Variants in GPHN observed in about 807,000 individuals in gnomAD.
GPHN encodes the protein gephyrin.
GPHN carries 17 observed loss-of-function variants against 95.5 expected under a neutral mutation model. That is an observed-to-expected ratio of 0.18 (90% CI 0.12 to 0.27). The LOEUF is 0.27. Among genes scored for constraint, GPHN ranks in the 10% least tolerant of loss-of-function variants. The pLI is 1.00. For missense variants in GPHN, 660 were observed against 978.1 expected (o/e 0.67, Z 4.34); for synonymous variants, 320 against 322.5 (o/e 0.99, Z 0.08).
chr14:66,684,995 C>T (rs182196683), intron 2 of GPHN, among the ~76,000 whole-genome samples: 4 of 152,108 alleles, frequency 2.6e-5, no homozygotes, highest in Admixed American at 6.6e-5. Flanking sequence ...TGAGAACATG[C>T]GGTGTTTGTT....
At chr14:67,198,297 A>T in the GPHN span, 1 of 1,613,478 alleles carries the variant, frequency 6.2e-7, no homozygotes, top group Non-Finnish European at 8.5e-7. Flanking sequence ...ATCTCCTCCC[A>T]TGTTAGAGAG....
chr14:66,555,524 A>G (rs2059976333), intron 1 of GPHN, among the ~76,000 whole-genome samples: 1 of 152,030 alleles, frequency 6.6e-6, no homozygotes, highest in Non-Finnish European at 1.5e-5. Flanking sequence ...CTTTTGAAAG[A>G]CTCATTGCTT....
chr14:67,341,553 G>A, the GPHN span, among the ~76,000 whole-genome samples: 68 of 150,796 alleles, frequency 4.5e-4, no homozygotes, highest in African/African-American at 1.6e-3. Context: ...CCCCGTCCGG[G>A]AGGGAGGTGG....
At chr14:66,881,646 A>G (rs1032446225) in intron 5 of GPHN, among the ~76,000 whole-genome samples, 5 of 151,906 alleles carry the variant, frequency 3.3e-5, no homozygotes, top group African/African-American at 1.2e-4. Flanking sequence ...AATTCTTCAA[A>G]TTGAATGTAG....
the GPHN span, chr14:67,568,893 TAAATGCTTATGTTA>T: frequency 2.1e-6 from 1 of 477,280 alleles, no homozygotes; most frequent in Non-Finnish European, 3.8e-6. Context: ...TTCCAGGTGT[TAAATGCTTATGTTA>T]AGTATTTCAT....
chr14:66,893,238 C>A (rs1196925529), intron 5 of GPHN, among the ~76,000 whole-genome samples: 1 of 152,132 alleles, frequency 6.6e-6, no homozygotes, highest in East Asian at 1.9e-4. Flanking sequence ...CAGCTCCCAG[C>A]GTGAGTAACG....
At chr14:67,131,917 T>C (rs925250862) in intron 17 of GPHN, among the ~76,000 whole-genome samples, 2 of 152,140 alleles carry the variant, frequency 1.3e-5, no homozygotes. Context: ...AACTGCCAAC[T>C]TGGACCTTCT....
chr14:66,947,373 A>T (rs1004096869), intron 8 of GPHN, among the ~76,000 whole-genome samples: 1 of 152,148 alleles, frequency 6.6e-6, no homozygotes, highest in African/African-American at 2.4e-5. Flanking sequence ...ATTTTCCTTT[A>T]TAGCACTTAT....
intron 4 of GPHN, among the ~76,000 whole-genome samples, chr14:66,842,166 A>G (rs113420209): frequency 5.1e-4 from 78 of 151,932 alleles, no homozygotes; most frequent in African/African-American, 1.6e-3. Context: ...GGAGTCATCA[A>G]CATATAAATG....
the GPHN span, chr14:67,660,138 T>C: frequency 4.2e-6 from 2 of 480,348 alleles, no homozygotes; most frequent in South Asian, 6.9e-5. Flanking sequence ...TTCGAGTATA[T>C]GAACTGAATG....
At chr14:67,573,737 TA>T in the GPHN span, 53 of 1,038,832 alleles carry the variant, frequency 5.1e-5, 1 homozygote, top group African/African-American at 4.2e-4. This position sits in a 1 kb window ranked among gnomAD's most constrained non-coding sequence, Gnocchi z 4.8. Context: ...GATCTGAGGG[TA>T]AATGAGGTGC....
chr14:66,879,439 T>C (rs1333618325), intron 4 of GPHN, among the ~76,000 whole-genome samples: 2 of 152,000 alleles, frequency 1.3e-5, no homozygotes, highest in Admixed American at 6.6e-5. Context: ...GTAGAATTTT[T>C]CCTCTAGCCA....
At chr14:66,735,956 A>T (rs2072224811) in intron 2 of GPHN, among the ~76,000 whole-genome samples, 1 of 152,194 alleles carries the variant, frequency 6.6e-6, no homozygotes, top group Non-Finnish European at 1.5e-5. Context: ...ATAGACAGGG[A>T]ACCAAAGGTC....
the GPHN span, among the ~76,000 whole-genome samples, chr14:67,210,729 G>T: frequency 6.6e-6 from 1 of 151,694 alleles, no homozygotes; most frequent in Non-Finnish European, 1.5e-5. Flanking sequence ...AATGAACTTT[G>T]CCACAGGTCA....
chr14:67,586,207 A>G, the GPHN span: 11 of 1,325,648 alleles, frequency 8.3e-6, no homozygotes, highest in Admixed American at 8.6e-5. Flanking sequence ...CTGCCCAGAT[A>G]AAATTGTTGG....
At chr14:67,077,712 G>A (rs1036048381) in intron 11 of GPHN, among the ~76,000 whole-genome samples, 11 of 152,044 alleles carry the variant, frequency 7.2e-5, no homozygotes, top group Non-Finnish European at 1.3e-4. Context: ...CAGCTAGTGG[G>A]GAATTCATTA....
the GPHN span, chr14:67,473,946 G>T: frequency 4.9e-5 from 77 of 1,581,482 alleles, 1 homozygote; most frequent in South Asian, 8.4e-4. The surrounding 1 kb of genome is among the most constrained non-coding windows in gnomAD (Gnocchi z 6.5). Context: ...GGCTGGCTGC[G>T]GGGGGCGCAA....
At chr14:66,549,830 A>C (rs1159472848) in intron 1 of GPHN, among the ~76,000 whole-genome samples, 1 of 152,222 alleles carries the variant, frequency 6.6e-6, no homozygotes, top group Admixed American at 6.5e-5. Context: ...TGCCATTAAA[A>C]ATGATGCTAA....
rs138447292 is a variant in GPHN, at chr14:67,170,611, C to T, written c.2079+1575C>T. 5.6e-3 allele frequency among the ~76,000 whole-genome samples: 853 copies of T among 152,262 alleles called. 3 individuals carry two copies. The highest frequency in any genetic ancestry group is 0.02 in the African/African-American group (815 of 41,552). On this transcript the variant is annotated intron_variant, in intron 21 of 22. Coordinates refer to ENST00000478722, the MANE Select transcript of GPHN (RefSeq NM_020806.5). Reference sequence around the variant, plus strand: ...CAAAGATGAGATGGTACTTTGTAATCAGACTGATGCTTGATATGTTGTTCC... The same window carrying T: ...CAAAGATGAGATGGTACTTTGTAATTAGACTGATGCTTGATATGTTGTTCC...
Sources: gnomAD v4.1 joint callset for allele counts (sites outside exome capture counted in the v4.1 genomes callset) on GRCh38, gnomAD v4.1.1 for gene constraint, Gnocchi (gnomAD v3.1) non-coding constraint, MANE v1.5 for transcripts, NCBI Gene and HGNC (gene_info 2026-07-23, HGNC 2026-07-21) for gene names.